The following THSD4 variants were observed in gnomAD, a reference collection of about 807,000 sequenced individuals.
THSD4 encodes thrombospondin type 1 domain containing 4, also known as thrombospondin type-1 domain-containing protein 4.
Under a neutral mutation model 119.0 loss-of-function variants are expected in THSD4, and 69 were observed. The observed-to-expected ratio is 0.58, with a 90% CI of 0.48 to 0.71. The LOEUF (loss-of-function observed/expected upper bound fraction) is 0.71, where lower values mean the gene tolerates loss of function less well. Among genes scored for constraint, THSD4 ranks in the 30% least tolerant of loss-of-function variants. The pLI is 0.00. For synonymous variants in THSD4, 524 were observed against 540.4 expected (o/e 0.97, Z 0.42); for missense variants, 1,393 against 1,391.1 (o/e 1.00, Z -0.02).
At chr15:71,471,585 A>G (rs2047581990) in intron 7 of THSD4, among the ~76,000 whole-genome samples, 1 of 151,710 alleles carries the variant, frequency 6.6e-6, no homozygotes, top group Non-Finnish European at 1.5e-5. Flanking sequence ...GCAATGTGAA[A>G]GGCGAAGTAT....
At chr15:71,165,385 C>A (rs2043286053) in intron 3 of THSD4, 2 of 1,491,778 alleles carry the variant, frequency 1.3e-6, no homozygotes, top group Non-Finnish European at 1.8e-6. Context: ...TGACATTTTG[C>A]CTCTCAGCTT....
intron 5 of THSD4, among the ~76,000 whole-genome samples, chr15:71,246,485 C>G (rs2044202513): frequency 6.6e-6 from 1 of 152,162 alleles, no homozygotes; most frequent in Non-Finnish European, 1.5e-5. Flanking sequence ...AACAATTCAG[C>G]TGTGATTTAG....
chr15:71,758,141 G>A lies in THSD4; in HGVS notation c.2589+66G>A, dbSNP rs114741382. 1,685 of 1,473,758 alleles carry A rather than the reference G, an allele frequency of 1.1e-3. 16 individuals are homozygous for A. In the African/African-American group the frequency reaches 0.022, roughly 19 times the overall value. 91.3% of individuals were successfully genotyped at this position (1,473,758 alleles called of 1,614,324 possible). A position where few individuals can be genotyped will look rare whatever the true frequency, so the allele number is the denominator to read the frequency against. On this transcript the variant is annotated intron_variant, in intron 15 of 17. Transcript: ENST00000261862. ...AAAGGCAGCATACCAGAGGGGTTAG[G>A]AACCAGGACTTTGTGTCAGGTGTCC... is the stretch of plus-strand genomic sequence containing the variant.
intron 7 of THSD4, among the ~76,000 whole-genome samples, chr15:71,512,744 CT>C (rs76379658): frequency 0.12 from 18,506 of 151,142 alleles, 1,430 homozygotes; most frequent in Middle Eastern, 0.28. Flanking sequence ...CCTTTTTTTT[CT>C]TTTTTTTAAG....
intron 7 of THSD4, among the ~76,000 whole-genome samples, chr15:71,413,679 C>T (rs926424391): frequency 1.3e-5 from 2 of 152,172 alleles, no homozygotes; most frequent in African/African-American, 4.8e-5. Context: ...CAAGGTGTCA[C>T]TTGATATCTG....
At chr15:71,390,832 A>G (rs1029490931) in intron 6 of THSD4, among the ~76,000 whole-genome samples, 3 of 146,948 alleles carry the variant, frequency 2.0e-5, no homozygotes, top group Non-Finnish European at 3.0e-5. Flanking sequence ...TTTTTAGGTA[A>G]TTATGATTGG....
At chr15:71,325,966 A>T (rs895053593) in intron 6 of THSD4, among the ~76,000 whole-genome samples, 4 of 152,202 alleles carry the variant, frequency 2.6e-5, no homozygotes, top group African/African-American at 9.6e-5. Context: ...TGTAAAATAC[A>T]TTATGGGAAA....
chr15:71,651,439 C>T (rs144330307), intron 7 of THSD4, among the ~76,000 whole-genome samples: 6 of 152,274 alleles, frequency 3.9e-5, no homozygotes, highest in East Asian at 1.9e-4. Flanking sequence ...CAAGAGTCTT[C>T]GGATTTAAGA....
At chr15:71,373,485 T>C (rs2119568) in intron 6 of THSD4, among the ~76,000 whole-genome samples, 24,642 of 152,146 alleles carry the variant, frequency 0.16, 2,243 homozygotes, top group Admixed American at 0.24. Context: ...CAAAGACATT[T>C]TGGAGGTGCT....
At chr15:71,715,042 C>G (rs1299752057) in intron 8 of THSD4, among the ~76,000 whole-genome samples, 3 of 152,092 alleles carry the variant, frequency 2.0e-5, no homozygotes, top group Admixed American at 2.0e-4. Flanking sequence ...GTCAGTCTTG[C>G]AGGAGTATGG....
chr15:71,205,408 A>G (rs2043835144), intron 3 of THSD4, among the ~76,000 whole-genome samples: 1 of 152,106 alleles, frequency 6.6e-6, no homozygotes, highest in Non-Finnish European at 1.5e-5. Context: ...CAGACTCAGA[A>G]CTACTTAGCT....
intron 4 of THSD4, among the ~76,000 whole-genome samples, chr15:71,241,703 A>G (rs2044154540): frequency 6.6e-6 from 1 of 152,124 alleles, no homozygotes; most frequent in Non-Finnish European, 1.5e-5. Flanking sequence ...GGCAAATGCT[A>G]CAAATCAGGG....
chr15:71,547,106 A>G, intron 7 of THSD4: 1 of 777,014 alleles, frequency 1.3e-6, no homozygotes, highest in Non-Finnish European at 1.7e-6. Flanking sequence ...AGAACTCCAC[A>G]TTGATCATTT....
intron 3 of THSD4, among the ~76,000 whole-genome samples, chr15:71,169,016 C>T (rs552707653): frequency 7.8e-4 from 119 of 152,176 alleles, no homozygotes; most frequent in African/African-American, 2.5e-3. Flanking sequence ...TGAAAAGATA[C>T]GCCATGGACA....
intron 7 of THSD4, among the ~76,000 whole-genome samples, chr15:71,494,470 C>T (rs113739855): frequency 0.02 from 3,106 of 152,260 alleles, 36 homozygotes; most frequent in Middle Eastern, 0.051. Context: ...TAATTAAATA[C>T]TTTTAAAAGC....
intron 7 of THSD4, among the ~76,000 whole-genome samples, chr15:71,592,414 G>T (rs2049824499): frequency 6.6e-6 from 1 of 152,164 alleles, no homozygotes; most frequent in Non-Finnish European, 1.5e-5. Flanking sequence ...CCCAGGAATT[G>T]AGCTGTTACT....
At chr15:71,731,297 C>A in intron 10 of THSD4, 80 bp downstream of exon 10, 1 of 1,362,018 alleles carries the variant, frequency 7.3e-7, no homozygotes. Flanking sequence ...TGTGCATCCA[C>A]CCTCTGTCTC....
At chr15:71,153,909 C>T (rs2040750560) in intron 2 of THSD4, among the ~76,000 whole-genome samples, 1 of 152,154 alleles carries the variant, frequency 6.6e-6, no homozygotes, top group East Asian at 1.9e-4. Context: ...CAATACTTGT[C>T]TCACCTTTGG....
chr15:71,626,866 T>C (rs4572339), intron 7 of THSD4, among the ~76,000 whole-genome samples: 83,132 of 152,098 alleles, frequency 0.55, 23,166 homozygotes, highest in African/African-American at 0.61. Context: ...TTAAATGAGA[T>C]GGGCAGCTTT....
Sources: gnomAD v4.1 joint callset for allele counts (sites outside exome capture counted in the v4.1 genomes callset) on GRCh38, gnomAD v4.1.1 for gene constraint, MANE v1.5 for transcripts, NCBI Gene and HGNC (gene_info 2026-07-23, HGNC 2026-07-21) for gene names.